SFMBT2: variants seen among roughly 807,000 people sequenced by gnomAD.
SFMBT2 encodes the protein Scm like with four mbt domains 2.
A neutral mutation model predicts 110.1 loss-of-function variants in SFMBT2; 38 were observed. That is an observed-to-expected ratio of 0.35 (90% CI 0.27 to 0.45). SFMBT2 has a LOEUF of 0.45. Ranked by LOEUF, SFMBT2 falls within the 20% of genes least tolerant of loss-of-function variation. SFMBT2 has a pLI of 1.00. For missense variants in SFMBT2, 1,011 were observed against 1,094.9 expected, an observed-to-expected ratio of 0.92 and a Z score of 1.08; for synonymous variants, 425 against 425.4, an observed-to-expected ratio of 1.00 and a Z score of 0.01.
At chr10:7,237,965 G>A (rs543422673) in intron 9 of SFMBT2, among the ~76,000 whole-genome samples, 16 of 152,262 alleles carry the variant, frequency 1.1e-4, no homozygotes, top group African/African-American at 3.6e-4. Context: ...GCCACGTCAG[G>A]GAGATGAGAG....
At chr10:7,224,560 C>T (rs1839846686) in intron 10 of SFMBT2, among the ~76,000 whole-genome samples, 1 of 152,132 alleles carries the variant, frequency 6.6e-6, no homozygotes, top group Non-Finnish European at 1.5e-5. Flanking sequence ...GGACAATTCT[C>T]CCATGCTATT....
Position 7,382,664 on chromosome 10 carries a change from C to T in SFMBT2, c.-51-715G>A, listed in dbSNP as rs557838831. Among the ~76,000 whole-genome samples the T allele has an allele frequency of 6.6e-5, 10 of 152,202 alleles. No homozygotes were observed. The East Asian group carries it at 1.7e-3, about 26-fold the overall frequency. ...CCCCACACAACCTCAGCATCCCACGCGCAGGTACTGCAACACGCAGTGCCC... is the reference window on the plus strand; with the variant it reads ...CCCCACACAACCTCAGCATCCCACGTGCAGGTACTGCAACACGCAGTGCCC... On this transcript the variant is annotated intron_variant, in intron 1 of 20. Coordinates refer to ENST00000397167, the MANE Select transcript of SFMBT2 (RefSeq NM_001387889.1).
At chr10:7,186,642 C>T (rs1430229014) in intron 16 of SFMBT2, among the ~76,000 whole-genome samples, 1 of 152,038 alleles carries the variant, frequency 6.6e-6, no homozygotes, top group Non-Finnish European at 1.5e-5. Flanking sequence ...AGTCTCTCCT[C>T]TTGTACGTTA....
chr10:7,178,846 A>G (rs746237335), intron 16 of SFMBT2, among the ~76,000 whole-genome samples: 34 of 152,220 alleles, frequency 2.2e-4, no homozygotes, highest in Admixed American at 1.7e-3. Flanking sequence ...GTAGGTTTCA[A>G]TCACCTTTTG....
chr10:7,246,069 G>C, intron 8 of SFMBT2: 1 of 715,972 alleles, frequency 1.4e-6, no homozygotes, highest in Non-Finnish European at 1.7e-6. Context: ...CTGGAGAGGT[G>C]CCTACCTAGG....
intron 2 of SFMBT2, among the ~76,000 whole-genome samples, chr10:7,377,010 A>G (rs1481564326): frequency 6.6e-6 from 1 of 151,276 alleles, no homozygotes; most frequent in East Asian, 1.9e-4. Flanking sequence ...CTCTACTAAA[A>G]ATACAAAAAT....
intron 9 of SFMBT2, among the ~76,000 whole-genome samples, chr10:7,228,705 TTC>T (rs1491127573): frequency 9.8e-5 from 13 of 133,066 alleles, no homozygotes; most frequent in Middle Eastern, 3.7e-3. Context: ...CTTTCTTTCT[TTC>T]TTTCTTTCTT....
intron 16 of SFMBT2, 143 bp downstream of exon 16, chr10:7,188,481 G>A (rs2692795): frequency 0.38 from 221,291 of 580,614 alleles, 44,626 homozygotes; most frequent in Middle Eastern, 0.46. Context: ...AGAAATTTAC[G>A]TGTCGCCCAT....
chr10:7,206,675 G>A, intron 11 of SFMBT2: 1 of 824,374 alleles, frequency 1.2e-6, no homozygotes, highest in Non-Finnish European at 1.5e-6. Context: ...TGAGGACCTG[G>A]CTTCACAGCC....
chr10:7,298,315 G>C (rs1268034888), intron 4 of SFMBT2, among the ~76,000 whole-genome samples: 3 of 152,240 alleles, frequency 2.0e-5, no homozygotes, highest in African/African-American at 7.2e-5. Context: ...GCACCCCCTA[G>C]ACAGACTGAG....
chr10:7,377,726 G>A (rs1845280284), intron 2 of SFMBT2, among the ~76,000 whole-genome samples: 1 of 152,132 alleles, frequency 6.6e-6, no homozygotes, highest in African/African-American at 2.4e-5. Context: ...GCAGTAATGT[G>A]AGCAATGGGG....
chr10:7,165,162 T>C (rs1312109249), intron 20 of SFMBT2, among the ~76,000 whole-genome samples: 1 of 152,164 alleles, frequency 6.6e-6, no homozygotes, highest in Non-Finnish European at 1.5e-5. Flanking sequence ...CAGGCAATGA[T>C]GATCAGTGGT....
intron 5 of SFMBT2, chr10:7,285,240 T>C (rs41290263): frequency 0.073 from 11,121 of 152,304 alleles, 538 homozygotes; most frequent in Non-Finnish European, 0.11. Context: ...ATACTACATA[T>C]ACATACTAAG....
At chr10:7,188,879 A>G (rs771292870) in intron 15 of SFMBT2, 146 bp from the exon 16 acceptor site, 6 of 653,964 alleles carry the variant, frequency 9.2e-6, no homozygotes, top group Non-Finnish European at 1.5e-5. Flanking sequence ...TAAGTCTGAT[A>G]GAACACTTGC....
chr10:7,363,215 TA>T (rs756017172), intron 4 of SFMBT2, among the ~76,000 whole-genome samples: 7 of 152,182 alleles, frequency 4.6e-5, no homozygotes, highest in Non-Finnish European at 8.8e-5. Context: ...GATGGTTTTA[TA>T]AAGGGAAATT....
Position 7,276,899 on chromosome 10 carries a change from A to G in SFMBT2, c.863T>C (p.Val288Ala). The G allele has an allele frequency of 2.3e-6, 2 of 870,942 alleles. No homozygotes were observed. Among genetic ancestry groups the G allele is most frequent in the Non-Finnish European group, 4.0e-6 (2 of 499,836 alleles). 54.0% of individuals were successfully genotyped at this position (870,942 alleles called of 1,614,324 possible). The change falls in exon 7 of 21, where the codon GTG (valine) becomes GCG (alanine). Residue 288 changes from valine (V) to alanine (A), a missense_variant. Around this residue, in one of 2 missense-constraint regions of SFMBT2, gnomAD observed 979 missense variants for 1,016.1 expected, o/e 0.96. Coordinates refer to ENST00000397167, the MANE Select transcript of SFMBT2 (RefSeq NM_001387889.1). ...TAAGAATCAACATCTTACCTTAAACACTTCCATTGGAAGAGGAAATTTGGC... is the reference window on the plus strand; with the variant it reads ...TAAGAATCAACATCTTACCTTAAACGCTTCCATTGGAAGAGGAAATTTGGC... ...DAAKFPLPME[V>A]FKDHADLRSH... is the part of the protein sequence containing the mutation.
intron 7 of SFMBT2, among the ~76,000 whole-genome samples, chr10:7,267,763 A>G (rs1486588985): frequency 6.6e-6 from 1 of 152,202 alleles, no homozygotes; most frequent in Admixed American, 6.5e-5. Flanking sequence ...ATTTTTTTAA[A>G]GAACACAAAA....
At chr10:7,232,527 C>T (rs150065366) in intron 9 of SFMBT2, among the ~76,000 whole-genome samples, 59 of 151,986 alleles carry the variant, frequency 3.9e-4, no homozygotes, top group African/African-American at 8.2e-4. Context: ...TGAAACGGCA[C>T]GTAGTTTTAA....
intron 4 of SFMBT2, among the ~76,000 whole-genome samples, chr10:7,330,025 G>A (rs1210682974): frequency 2.6e-5 from 4 of 152,124 alleles, no homozygotes; most frequent in East Asian, 1.9e-4. Context: ...CCCTTTGCAC[G>A]ATTTCTAGGA....
Sources: gnomAD v4.1 joint callset for allele counts (sites outside exome capture counted in the v4.1 genomes callset) on GRCh38, gnomAD v4.1.1 for gene constraint, gnomAD v4.1.1 regional missense constraint, MANE v1.5 for transcripts, NCBI Gene and HGNC (gene_info 2026-07-23, HGNC 2026-07-21) for gene names.